Variants in SIPA1L3 observed in about 807,000 individuals in gnomAD.
The protein encoded by SIPA1L3 is signal-induced proliferation-associated 1-like protein 3.
SIPA1L3 carries 59 observed loss-of-function variants against 150.1 expected under a neutral mutation model. That is an observed-to-expected ratio of 0.39 (90% CI 0.32 to 0.49). The LOEUF is 0.49. Ranked by LOEUF, SIPA1L3 falls within the 20% of genes least tolerant of loss-of-function variation. The probability of loss-of-function intolerance (pLI) is 0.86; values close to 1 mark genes in which losing one functional copy is unlikely to be tolerated. For missense variants in SIPA1L3, 2,211 were observed against 2,489.5 expected, an observed-to-expected ratio of 0.89 and a Z score of 2.38; for synonymous variants, 1,070 against 1,077.6, an observed-to-expected ratio of 0.99 and a Z score of 0.14.
At chr19:37,951,412 A>G (rs1040531140) in intron 1 of SIPA1L3, among the ~76,000 whole-genome samples, 1 of 152,240 alleles carries the variant, frequency 6.6e-6, no homozygotes, top group Non-Finnish European at 1.5e-5. Context: ...ATAGGATTCT[A>G]ATCAGGAGAC....
chr19:37,965,250 C>G (rs560815361), intron 1 of SIPA1L3, among the ~76,000 whole-genome samples: 1 of 151,366 alleles, frequency 6.6e-6, no homozygotes, highest in East Asian at 1.9e-4. Context: ...ATCTGTTACT[C>G]TCCTGAAAAG....
rs557869767 is a variant in SIPA1L3, at chr19:38,059,167, AT to A, written c.-310-22075del. On this transcript the variant is annotated intron_variant, in intron 2 of 21. Coordinates refer to ENST00000222345, the MANE Select transcript of SIPA1L3 (RefSeq NM_015073.3). ...AGGTGCATGTCACCATACTCAGCTC[AT>A]TTTTTTTTTTTTTGGTAGAGATGGG... 4.8e-3 allele frequency among the ~76,000 whole-genome samples: 679 copies of A among 141,714 alleles called. 1 individual carries two copies. Among genetic ancestry groups the A allele is most frequent in the African/African-American group, 8.3e-3 (326 of 39,160 alleles). The allele number at this position is 141,714 out of a possible 152,430, so 93.0% of individuals were successfully genotyped here. A position where few individuals can be genotyped will look rare whatever the true frequency, so the allele number is the denominator to read the frequency against.
At chr19:38,161,403 G>T (rs931642253) in intron 13 of SIPA1L3, among the ~76,000 whole-genome samples, 2 of 149,572 alleles carry the variant, frequency 1.3e-5, no homozygotes, top group African/African-American at 4.9e-5. Flanking sequence ...CCTTGCATAT[G>T]TAAAGAACTC....
intron 1 of SIPA1L3, among the ~76,000 whole-genome samples, chr19:37,976,471 A>G (rs1336379961): frequency 6.6e-6 from 1 of 152,104 alleles, no homozygotes; most frequent in East Asian, 1.9e-4. Context: ...TTATCAATCC[A>G]GGTTCTTGGG....
chr19:37,927,624 G>A (rs1441883608), intron 1 of SIPA1L3, among the ~76,000 whole-genome samples: 2 of 134,080 alleles, frequency 1.5e-5, no homozygotes, highest in Non-Finnish European at 1.6e-5. Flanking sequence ...TATATGCAAT[G>A]TTTAGCTCCC....
chr19:38,140,913 C>G (rs1971560398), intron 10 of SIPA1L3, among the ~76,000 whole-genome samples: 1 of 151,874 alleles, frequency 6.6e-6, no homozygotes, highest in South Asian at 2.1e-4. Flanking sequence ...CAAAACTTAG[C>G]CGGGCGTAGT....
chr19:38,149,011 A>G (rs1971762948), intron 12 of SIPA1L3, among the ~76,000 whole-genome samples: 1 of 152,236 alleles, frequency 6.6e-6, no homozygotes, highest in Non-Finnish European at 1.5e-5. Context: ...AAAATTGGAC[A>G]GTGATAGACA....
intron 2 of SIPA1L3, among the ~76,000 whole-genome samples, chr19:38,057,614 C>T (rs999780483): frequency 2.0e-5 from 3 of 151,478 alleles, no homozygotes; most frequent in Admixed American, 2.0e-4. Context: ...GATTAATTTA[C>T]AGAAGTAGCA....
chr19:37,948,679 C>T (rs969477273), intron 1 of SIPA1L3, among the ~76,000 whole-genome samples: 10 of 152,128 alleles, frequency 6.6e-5, no homozygotes, highest in Non-Finnish European at 1.0e-4. Context: ...AGGACAGGCA[C>T]GGCCCCCACG....
At chr19:38,170,946 G>A (rs1330020838) in intron 15 of SIPA1L3, among the ~76,000 whole-genome samples, 1 of 143,914 alleles carries the variant, frequency 6.9e-6, no homozygotes, top group East Asian at 2.0e-4. Context: ...TTGAAATTGT[G>A]TGTATATATG....
chr19:38,185,345 G>T (rs1001934947), intron 16 of SIPA1L3: 1 of 152,154 alleles, frequency 6.6e-6, no homozygotes, highest in Non-Finnish European at 1.5e-5. Context: ...GATACTATAA[G>T]GCCCCCACTT....
chr19:38,047,238 G>A lies in SIPA1L3; in HGVS notation c.-311+18082G>A, dbSNP rs929446283. Among the ~76,000 whole-genome samples, 26 of 151,818 alleles carry A rather than the reference G, an allele frequency of 1.7e-4. No individual in the cohort carries two copies. The highest frequency in any genetic ancestry group is 5.6e-4 in the African/African-American group (23 of 41,284). On this transcript the variant is annotated intron_variant, in intron 2 of 21. Coordinates refer to ENST00000222345, the MANE Select transcript of SIPA1L3 (RefSeq NM_015073.3). The surrounding 1 kb of genome is among the most constrained non-coding windows in gnomAD (Gnocchi z 4.7). ...TTCTCCCCCGCCGACACACACGCAC[G>A]CACACACGCACGCACTCACACACAC...
intron 13 of SIPA1L3, among the ~76,000 whole-genome samples, chr19:38,154,492 G>A (rs1656324558): frequency 6.6e-6 from 1 of 152,090 alleles, no homozygotes; most frequent in African/African-American, 2.4e-5. Flanking sequence ...TTGTCACCCA[G>A]GCTGGAGTGC....
chr19:38,124,323 G>T (rs1352958552), intron 9 of SIPA1L3, among the ~76,000 whole-genome samples: 1 of 150,482 alleles, frequency 6.6e-6, no homozygotes, highest in African/African-American at 2.4e-5. Flanking sequence ...CCTCCCAGAC[G>T]GGGTCGCGGC....
intron 1 of SIPA1L3, among the ~76,000 whole-genome samples, chr19:37,989,215 TTTTG>T (rs1237169626): frequency 1.3e-5 from 2 of 152,152 alleles, no homozygotes; most frequent in African/African-American, 2.4e-5. Flanking sequence ...AGCTCCTGTT[TTTTG>T]TTTGTTTGTT....
chr19:37,942,199 G>A (rs2046665643), intron 1 of SIPA1L3, among the ~76,000 whole-genome samples: 2 of 152,096 alleles, frequency 1.3e-5, no homozygotes, highest in South Asian at 4.1e-4. Flanking sequence ...GGAGTTCATT[G>A]TTTAGGTTGG....
chr19:38,002,788 A>G (rs1461112793), intron 1 of SIPA1L3, among the ~76,000 whole-genome samples: 4 of 147,932 alleles, frequency 2.7e-5, no homozygotes, highest in South Asian at 2.1e-4. Flanking sequence ...TTATCTATTT[A>G]TCTGTTGATG....
intron 2 of SIPA1L3, among the ~76,000 whole-genome samples, chr19:38,045,425 T>C (rs7256656): frequency 0.41 from 61,196 of 149,172 alleles, 14,036 homozygotes; most frequent in African/African-American, 0.64. Context: ...GTAATTTAAC[T>C]GTGGCAATGA....
At chr19:38,016,957 C>T (rs188270167) in intron 1 of SIPA1L3, among the ~76,000 whole-genome samples, 34 of 119,316 alleles carry the variant, frequency 2.8e-4, no homozygotes, top group Non-Finnish European at 3.8e-4. Context: ...AGTGCAGTGG[C>T]GTGATCTCAG....
Sources: allele counts gnomAD v4.1 joint callset (sites outside exome capture counted in the v4.1 genomes callset), GRCh38; gene constraint gnomAD v4.1.1; non-coding constraint Gnocchi (gnomAD v3.1); transcripts MANE v1.5; gene names NCBI Gene and HGNC (gene_info 2026-07-23, HGNC 2026-07-21).